Variants in CDR2L observed in about 807,000 individuals in gnomAD.
The protein encoded by CDR2L is cerebellar degeneration related protein 2 like.
A neutral mutation model predicts 36.1 loss-of-function variants in CDR2L; 19 were observed. The observed-to-expected ratio is 0.53, with a 90% CI of 0.37 to 0.77. The LOEUF (loss-of-function observed/expected upper bound fraction) is 0.77. Among genes scored for constraint, CDR2L ranks in the 30% least tolerant of loss-of-function variants. The pLI, the probability that CDR2L is intolerant of heterozygous loss-of-function variation, is 0.00. For synonymous variants in CDR2L, 285 were observed against 280.4 expected, an observed-to-expected ratio of 1.02 and a Z score of -0.16; for missense variants, 575 against 627.2, an observed-to-expected ratio of 0.92 and a Z score of 0.89.
chr17:74,988,227 C>G (rs1242382040), intron 1 of CDR2L, 105 bp downstream of exon 1: 4 of 752,194 alleles, frequency 5.3e-6, no homozygotes, highest in East Asian at 7.0e-5. Context: ...TGGGCTGGAC[C>G]GGGCGCGCCC....
chr17:75,000,694 C>T (rs1055545684), intron 2 of CDR2L, among the ~76,000 whole-genome samples: 2 of 149,414 alleles, frequency 1.3e-5, no homozygotes, highest in Non-Finnish European at 3.0e-5. Flanking sequence ...GCGGGCAGAT[C>T]ACGAGGTCAG....
At chr17:74,996,146 T>A (rs894184553) in intron 1 of CDR2L, among the ~76,000 whole-genome samples, 7 of 149,394 alleles carry the variant, frequency 4.7e-5, no homozygotes, top group African/African-American at 1.7e-4. Flanking sequence ...CTGCCTCGTT[T>A]TAGAAACAAA....
rs1282633159 is a variant in CDR2L at position 74,989,418 on chromosome 17, C to CACACACACACAT, written c.79+1307_79+1308insTACACACACACA. 1.3e-5 allele frequency among the ~76,000 whole-genome samples: 2 copies of CACACACACACAT among 150,340 alleles called. No individual in the cohort carries two copies. Among genetic ancestry groups the CACACACACACAT allele is most frequent in the East Asian group, 2.0e-4 (1 of 5,114 alleles). ...AGATACAGCTCCTCTCAAACACACA[C>CACACACACACAT]ACACACACACACACACACACACACA... On this transcript the variant is annotated intron_variant, in intron 1 of 4. Transcript: ENST00000337231. This position sits in a 1 kb window ranked among gnomAD's most constrained non-coding sequence, Gnocchi z 4.2.
chr17:75,001,231 A>G, intron 2 of CDR2L, 110 bp from the exon 3 acceptor site: 3 of 1,206,430 alleles, frequency 2.5e-6, no homozygotes, highest in Non-Finnish European at 3.3e-6. Context: ...GAGACTCTGT[A>G]TCAAAAGAAA....
chr17:74,992,666 G>A (rs1228672307), intron 1 of CDR2L, among the ~76,000 whole-genome samples: 1 of 152,188 alleles, frequency 6.6e-6, no homozygotes, highest in Non-Finnish European at 1.5e-5. Flanking sequence ...AGCTTGCGCT[G>A]TGATCCAGTT....
Position 74,989,020 on chromosome 17 carries a change from T to C in CDR2L, c.79+898T>C, listed in dbSNP as rs561250597. The stretch of plus-strand genomic sequence containing the variant: ...TGCCTCCTTCTTGGATGGTGAGAGC[T>C]GGAAGGGGCGAGGAAACATGTCCAG... On this transcript the variant is annotated intron_variant, in intron 1 of 4. Coordinates refer to ENST00000337231, the MANE Select transcript of CDR2L (RefSeq NM_014603.3). The surrounding 1 kb of genome is among the most constrained non-coding windows in gnomAD (Gnocchi z 4.2). 1.3e-5 allele frequency among the ~76,000 whole-genome samples: 2 copies of C among 151,762 alleles called. No individual in the cohort carries two copies. Among genetic ancestry groups the C allele is most frequent in the African/African-American group, 4.9e-5 (2 of 41,180 alleles).
Position 74,998,090 on chromosome 17 carries a change from G to C in CDR2L, c.80-1414G>C, listed in dbSNP as rs148717385. Among the ~76,000 whole-genome samples, 1,483 of 152,106 alleles carry C rather than the reference G, an allele frequency of 9.7e-3. 32 individuals carry two copies. Among genetic ancestry groups the C allele is most frequent in the African/African-American group, 0.033 (1,388 of 41,490 alleles). On this transcript the variant is annotated intron_variant, in intron 1 of 4. Transcript: ENST00000337231. The stretch of plus-strand genomic sequence containing the variant: ...AAAAAAATTAGCCAGGCATGGTGGC[G>C]GGCGCCTGTAGTCTCAGCTACCTGG...
intron 1 of CDR2L, among the ~76,000 whole-genome samples, chr17:74,995,918 GC>G (rs1437690797): frequency 6.6e-6 from 1 of 151,884 alleles, no homozygotes; most frequent in Non-Finnish European, 1.5e-5. Flanking sequence ...CTCAGCCTCA[GC>G]CTGCTCTAAC....
intron 1 of CDR2L, among the ~76,000 whole-genome samples, chr17:74,991,472 C>A (rs527463250): frequency 6.7e-6 from 1 of 149,238 alleles, no homozygotes; most frequent in African/African-American, 2.5e-5. Context: ...AATCCCAGCA[C>A]TTTGGGAGGC....
rs1413162044 is a variant in CDR2L, at chr17:74,989,371, C to T, written c.79+1249C>T. Among the ~76,000 whole-genome samples the T allele has an allele frequency of 2.0e-5, 3 of 150,626 alleles. No homozygotes were observed. Among genetic ancestry groups the T allele is most frequent in the Non-Finnish European group, 4.4e-5 (3 of 67,806 alleles). ...CATGGTCTGTGCCCTGGACTCTGGC[C>T]TCAGCCTCCTTGGCTGAAATGAGAT... On this transcript the variant is annotated intron_variant, in intron 1 of 4. Coordinates refer to ENST00000337231, the MANE Select transcript of CDR2L (RefSeq NM_014603.3). The surrounding 1 kb of genome is among the most constrained non-coding windows in gnomAD (Gnocchi z 4.2).
At chr17:74,998,880 G>T (rs2039846339) in intron 1 of CDR2L, among the ~76,000 whole-genome samples, 1 of 152,196 alleles carries the variant, frequency 6.6e-6, no homozygotes, top group African/African-American at 2.4e-5. Context: ...CAGCAGTGGG[G>T]CTGGGAGGGC....
At chr17:74,998,486 C>G (rs1384993094) in intron 1 of CDR2L, among the ~76,000 whole-genome samples, 1 of 151,748 alleles carries the variant, frequency 6.6e-6, no homozygotes, top group African/African-American at 2.4e-5. Flanking sequence ...CCTGTGAATA[C>G]TCACTGCACC....
At chr17:75,003,153 C>T (rs1344762562) in intron 4 of CDR2L, 30 bp from the exon 5 acceptor site, 3 of 1,550,046 alleles carry the variant, frequency 1.9e-6, no homozygotes, top group African/African-American at 2.7e-5. Flanking sequence ...CCTCCGCCCC[C>T]ACCCCGCTGC....
At chr17:74,999,464 C>A in intron 1 of CDR2L, 40 bp from the exon 2 acceptor site, 1 of 1,377,420 alleles carries the variant, frequency 7.3e-7, no homozygotes, top group South Asian at 1.3e-5. Flanking sequence ...AATGGGCGTC[C>A]TCTGCCTTTG....
chr17:74,988,171 C>A, intron 1 of CDR2L, 49 bp downstream of exon 1: 1 of 1,334,184 alleles, frequency 7.5e-7, no homozygotes. Context: ...GCCCGGTGAC[C>A]CCTGTCCGCT....
chr17:75,004,034 A>C lies in CDR2L; in HGVS notation c.1358A>C (p.Asp453Ala), dbSNP rs2039887647. 1 of 1,610,862 alleles carries C rather than the reference A, an allele frequency of 6.2e-7. No individual in the cohort carries two copies. The highest frequency in any genetic ancestry group is 1.3e-5 in the African/African-American group (1 of 74,850). Reference sequence around the variant, plus strand: ...TCCAGGATCCAGAAGACCAAGGCTGACATCAACGCCACCAAAGTCAAGACG... The same window carrying C: ...TCCAGGATCCAGAAGACCAAGGCTGCCATCAACGCCACCAAAGTCAAGACG... The part of the protein sequence containing the change: ...IFSRIQKTKA[D>A]INATKVKTHS... Residue 453 changes from aspartate (D) to alanine (A), a missense_variant, in exon 5 of 5, where the codon GAC (aspartate) becomes GCC (alanine). Asp to Ala is a moderately radical substitution (Grantham distance 126, BLOSUM62 -2). Coordinates refer to ENST00000337231, the MANE Select transcript of CDR2L (RefSeq NM_014603.3).
At chr17:74,988,904 A>G (rs952840147) in intron 1 of CDR2L, among the ~76,000 whole-genome samples, 4 of 152,122 alleles carry the variant, frequency 2.6e-5, no homozygotes, top group South Asian at 2.1e-4. Flanking sequence ...CCGAAATGAC[A>G]TCACTGGGAG....
intron 1 of CDR2L, among the ~76,000 whole-genome samples, chr17:74,997,871 C>T (rs1197071569): frequency 7.2e-6 from 1 of 139,398 alleles, no homozygotes; most frequent in Admixed American, 7.5e-5. Flanking sequence ...ATTAGCCGGG[C>T]GTGGTAGTGG....
Position 74,999,515 on chromosome 17 carries a change from G to C in CDR2L, c.91G>C (p.Ala31Pro). The change falls in exon 2 of 5, where the codon GCT (alanine) becomes CCT (proline). Residue 31 changes from alanine to proline, a missense_variant. Transcript: ENST00000337231. Reference sequence around the variant, plus strand: ...TTCTCCTATCCTAGACTTGCACCTAGCTGCGGAGCTGGGGAAGACTCTGCT... The same window carrying C: ...TTCTCCTATCCTAGACTTGCACCTACCTGCGGAGCTGGGGAAGACTCTGCT... ...QQDLEQDLHL[A>P]AELGKTLLER... 1.3e-6 allele frequency: 2 copies of C among 1,573,378 alleles called. No homozygotes were observed. Among genetic ancestry groups the C allele is most frequent in the Non-Finnish European group, 1.7e-6 (2 of 1,159,264 alleles).
Sources: gnomAD v4.1 joint callset for allele counts (sites outside exome capture counted in the v4.1 genomes callset) on GRCh38, gnomAD v4.1.1 for gene constraint, Gnocchi (gnomAD v3.1) non-coding constraint, MANE v1.5 for transcripts, NCBI Gene and HGNC (gene_info 2026-07-23, HGNC 2026-07-21) for gene names.